Variants in TCF12 observed in about 807,000 individuals in gnomAD.
TCF12 encodes the protein DNA-binding protein HTF4.
In TCF12, 45 loss-of-function variants were observed where a neutral mutation model predicts 86.0. The ratio of observed to expected loss-of-function variants is 0.52; its 90% CI spans 0.41 to 0.67. TCF12 has a LOEUF of 0.67. Among genes scored for constraint, TCF12 ranks in the 30% least tolerant of loss-of-function variants. The pLI, the probability that TCF12 is intolerant of heterozygous loss-of-function variation, is 0.00. For missense variants in TCF12, 881 were observed against 859.9 expected (o/e 1.02, Z -0.31); for synonymous variants, 330 against 299.6 (o/e 1.10, Z -1.05).
chr15:57,114,119 T>A (rs2050684434), intron 5 of TCF12, among the ~76,000 whole-genome samples: 1 of 152,142 alleles, frequency 6.6e-6, no homozygotes, highest in South Asian at 2.1e-4. Flanking sequence ...TGTGATCCCT[T>A]TTTGAAAACT....
intron 5 of TCF12, among the ~76,000 whole-genome samples, chr15:57,099,791 G>A (rs2049595169): frequency 6.6e-6 from 1 of 151,878 alleles, no homozygotes. Context: ...TATATTATGG[G>A]ATATTCAACA....
intron 3 of TCF12, among the ~76,000 whole-genome samples, chr15:56,949,753 T>C (rs2061178446): frequency 6.6e-6 from 1 of 152,168 alleles, no homozygotes; most frequent in Admixed American, 6.5e-5. Context: ...GGGAAGGCAG[T>C]CATGTGAACA....
chr15:57,221,623 T>C (rs1363112207), intron 8 of TCF12, among the ~76,000 whole-genome samples: 5 of 152,010 alleles, frequency 3.3e-5, no homozygotes, highest in African/African-American at 7.2e-5. Context: ...CCTGGAAAAA[T>C]TGATAGTCTG....
intron 5 of TCF12, among the ~76,000 whole-genome samples, chr15:57,112,328 G>A (rs1416319909): frequency 1.4e-4 from 21 of 152,230 alleles, no homozygotes; most frequent in African/African-American, 5.1e-4. Flanking sequence ...GTCTCAGGCA[G>A]TTTTTTCAGG....
At chr15:56,986,446 T>C (rs1489108595) in intron 3 of TCF12, among the ~76,000 whole-genome samples, 2 of 152,200 alleles carry the variant, frequency 1.3e-5, no homozygotes, top group Non-Finnish European at 2.9e-5. Context: ...GTTGATTAAG[T>C]AGTTTCCATT....
At chr15:57,018,113 G>T (rs1769585982) in intron 3 of TCF12, among the ~76,000 whole-genome samples, 1 of 152,210 alleles carries the variant, frequency 6.6e-6, no homozygotes, top group South Asian at 2.1e-4. Context: ...CAAAATTAAT[G>T]TAAGTAGAGA....
rs141802665 is a variant in TCF12, at chr15:57,278,560, T to C, written c.1979-3885T>C. 1,835 of 194,134 alleles carry C rather than the reference T, an allele frequency of 9.5e-3. 34 individuals carry two copies. The highest frequency in any genetic ancestry group is 0.04 in the African/African-American group (1,707 of 42,902). 12.0% of individuals were successfully genotyped at this position (194,134 alleles called of 1,614,324 possible). On this transcript the variant is annotated intron_variant, in intron 19 of 20. Coordinates refer to ENST00000333725, the MANE Select transcript of TCF12 (RefSeq NM_207037.2). ...GTAAAAAAAAAAATTTTTTTTCTTT[T>C]CCAAGTTGAGGTCAGATGGGTAATG...
At chr15:57,040,415 G>A (rs1427361725) in intron 3 of TCF12, among the ~76,000 whole-genome samples, 1 of 152,134 alleles carries the variant, frequency 6.6e-6, no homozygotes, top group African/African-American at 2.4e-5. Flanking sequence ...AAAGCTCTTT[G>A]GCAAGTGCAT....
At chr15:57,146,258 A>C (rs2053356121) in intron 5 of TCF12, among the ~76,000 whole-genome samples, 1 of 152,164 alleles carries the variant, frequency 6.6e-6, no homozygotes. Context: ...CCAATACCAA[A>C]GGAAAATGTA....
At chr15:57,171,073 A>G (rs368963894) in intron 6 of TCF12, among the ~76,000 whole-genome samples, 3 of 151,752 alleles carry the variant, frequency 2.0e-5, no homozygotes. Context: ...CCTTGGAGGA[A>G]ACTATATGAT....
chr15:57,170,982 C>T (rs983655157), intron 6 of TCF12, among the ~76,000 whole-genome samples: 1 of 149,174 alleles, frequency 6.7e-6, no homozygotes, highest in Non-Finnish European at 1.5e-5. Context: ...GATTTTGATT[C>T]ACATGGACTA....
At chr15:57,076,662 G>A (rs2070082793) in intron 4 of TCF12, among the ~76,000 whole-genome samples, 1 of 151,212 alleles carries the variant, frequency 6.6e-6, no homozygotes, top group Admixed American at 6.6e-5. Context: ...AGAAAAGAAA[G>A]GAATAGAATA....
intron 5 of TCF12, among the ~76,000 whole-genome samples, chr15:57,111,349 T>C (rs2050476439): frequency 6.6e-6 from 1 of 152,152 alleles, no homozygotes; most frequent in Non-Finnish European, 1.5e-5. Context: ...TCACTGTGGG[T>C]AGGGACAATT....
chr15:57,041,458 A>C (rs551130024), intron 3 of TCF12, among the ~76,000 whole-genome samples: 3 of 152,294 alleles, frequency 2.0e-5, no homozygotes, highest in South Asian at 2.1e-4. Flanking sequence ...CCTTTGCCAC[A>C]GTGGGAATTC....
chr15:56,941,008 A>G lies in TCF12; in HGVS notation c.148+19910A>G, dbSNP rs571424428. 3.5e-5 allele frequency among the ~76,000 whole-genome samples: 5 copies of G among 144,508 alleles called. No homozygotes were observed. In the South Asian group the frequency reaches 1.1e-3, roughly 32 times the overall value. 94.8% of individuals were successfully genotyped at this position (144,508 alleles called of 152,430 possible). ...ACTCCTGACCTCAAGCAGTCTTCTC[A>G]CCTCAGCCTCCCAAAATGCTGGGAT... On this transcript the variant is annotated intron_variant, in intron 3 of 20. Transcript: ENST00000333725.
intron 3 of TCF12, among the ~76,000 whole-genome samples, chr15:57,035,183 T>G (rs1336073334): frequency 1.3e-5 from 2 of 152,212 alleles, no homozygotes; most frequent in East Asian, 3.8e-4. Context: ...CAGTAATTTG[T>G]ACAAAGTTAC....
chr15:56,953,796 T>C (rs1172981988), intron 3 of TCF12, among the ~76,000 whole-genome samples: 1 of 151,914 alleles, frequency 6.6e-6, no homozygotes, highest in Non-Finnish European at 1.5e-5. Context: ...GATTGTTTCT[T>C]CTTTTCTTGA....
chr15:57,010,112 C>T (rs116114290), intron 3 of TCF12, among the ~76,000 whole-genome samples: 86 of 152,150 alleles, frequency 5.7e-4, no homozygotes, highest in African/African-American at 1.7e-3. Context: ...TCCTTTTGCA[C>T]GCAGTACATG....
chr15:56,962,527 A>G (rs2061810890), intron 3 of TCF12, among the ~76,000 whole-genome samples: 1 of 152,242 alleles, frequency 6.6e-6, no homozygotes, highest in Admixed American at 6.5e-5. Context: ...ATGTTAAAGA[A>G]AAGATCCCAG....
Sources: gnomAD v4.1 joint callset for allele counts (sites outside exome capture counted in the v4.1 genomes callset) on GRCh38, gnomAD v4.1.1 for gene constraint, MANE v1.5 for transcripts, NCBI Gene and HGNC (gene_info 2026-07-23, HGNC 2026-07-21) for gene names.